Variants in HMCN2 observed in about 807,000 individuals in gnomAD.
HMCN2 encodes the protein hemicentin 2.
A neutral mutation model predicts 377.5 loss-of-function variants in HMCN2; 325 were observed. The observed-to-expected ratio is 0.86, with a 90% CI of 0.79 to 0.94. The LOEUF (loss-of-function observed/expected upper bound fraction) is 0.94, where lower values mean the gene tolerates loss of function less well. HMCN2 is among the 40% of genes least tolerant of loss of function. The probability of loss-of-function intolerance (pLI) is 0.00; values close to 1 mark genes in which losing one functional copy is unlikely to be tolerated. For synonymous variants in HMCN2, 2,007 were observed against 2,046.8 expected (o/e 0.98, Z 0.53); for missense variants, 4,543 against 4,725.3 (o/e 0.96, Z 1.13).
chr9:130,267,107 G>A (rs1834147949), intron 1 of HMCN2, among the ~76,000 whole-genome samples: 1 of 151,858 alleles, frequency 6.6e-6, no homozygotes, highest in South Asian at 2.1e-4. Flanking sequence ...CACCATGCCT[G>A]GCTGATTTTT....
chr9:130,344,019 G>A (rs1053931700), intron 25 of HMCN2, among the ~76,000 whole-genome samples: 2 of 152,064 alleles, frequency 1.3e-5, no homozygotes, highest in African/African-American at 2.4e-5. Flanking sequence ...AGGGGGCGGC[G>A]TGAGGGACCC....
At chr9:130,286,514 C>T (rs1183667301) in intron 4 of HMCN2, among the ~76,000 whole-genome samples, 3 of 152,240 alleles carry the variant, frequency 2.0e-5, no homozygotes, top group Non-Finnish European at 2.9e-5. Context: ...CATCTTATCT[C>T]GCCAAACCCT....
At position 130,433,592 on chromosome 9, in the gene HMCN2, C is replaced by T. The variant is rs1201372574; in HGVS notation, c.15139C>T (p.Leu5047Phe). ...GLGAVYTRRA[L>F]TRAGLYRLTV... is the part of the protein sequence containing the mutation. ...TGGCGCGGTCTACACCCGTCGCGCG[C>T]TCACCCGCGCCGGCCTCTACCGGCT... Residue 5047 changes from leucine to phenylalanine, a missense_variant, in exon 98 of 98, where the codon CTC becomes TTC. Around this residue, in one of 5 missense-constraint regions of HMCN2, gnomAD observed 1,155 missense variants for 1,157.7 expected, o/e 1.00. Transcript: ENST00000683500. The T allele has an allele frequency of 2.0e-6, 3 of 1,510,156 alleles. No homozygotes were observed. In the African/African-American group the frequency reaches 4.4e-5, roughly 22 times the overall value. The allele number at this position is 1,510,156 out of a possible 1,614,324, so 93.5% of individuals were successfully genotyped here. A position where few individuals can be genotyped will look rare whatever the true frequency, so the allele number is the denominator to read the frequency against.
At chr9:130,346,156 G>A (rs1300292421) in intron 25 of HMCN2, among the ~76,000 whole-genome samples, 1 of 152,070 alleles carries the variant, frequency 6.6e-6, no homozygotes, top group Admixed American at 6.5e-5. Flanking sequence ...CTGAGTCAGC[G>A]CTGGCGGAGG....
At chr9:130,390,421 G>C (rs1405734535) in intron 62 of HMCN2, among the ~76,000 whole-genome samples, 1 of 152,240 alleles carries the variant, frequency 6.6e-6, no homozygotes, top group Non-Finnish European at 1.5e-5. Context: ...ACATGGGGCA[G>C]TTGCTCGTGT....
chr9:130,400,726 T>C, intron 76 of HMCN2, 57 bp from the exon 77 acceptor site: 1 of 1,216,238 alleles, frequency 8.2e-7, no homozygotes, highest in Non-Finnish European at 1.1e-6. Flanking sequence ...CCTGGCCCTG[T>C]GGCCGTGAGT....
chr9:130,430,018 C>T, intron 94 of HMCN2: 7 of 599,056 alleles, frequency 1.2e-5, no homozygotes, highest in Non-Finnish European at 2.0e-5. Context: ...ATGGATCTAA[C>T]TGGGGCACTG....
rs543899828 is a variant in HMCN2, at chr9:130,284,329, G to C, written c.260-274G>C. On this transcript the variant is annotated intron_variant, in intron 1 of 97. Coordinates refer to ENST00000683500, the MANE Select transcript of HMCN2 (RefSeq NM_001291815.2). ...TGGTCACCAAAGGTTGGGAGCTGCT[G>C]TCCGGAGGGAGGAGCTGGGGCTTGC... 5.2e-3 allele frequency among the ~76,000 whole-genome samples: 791 copies of C among 152,272 alleles called. 3 individuals are homozygous for C. The highest frequency in any genetic ancestry group is 7.7e-3 in the Non-Finnish European group (526 of 68,010).
chr9:130,401,216 C>T (rs181686234), intron 77 of HMCN2, among the ~76,000 whole-genome samples: 2 of 152,312 alleles, frequency 1.3e-5, no homozygotes, highest in East Asian at 1.9e-4. Flanking sequence ...TAATAGCTCC[C>T]TGGGAGTTTT....
In HMCN2 at chr9:130,350,378, C is replaced by CAAAAAAAAAA. The variant is rs1448443171; in HGVS notation, c.4430+722_4430+723insAAAAAAAAAA. On this transcript the variant is annotated intron_variant, in intron 29 of 97. Transcript: ENST00000683500. ...CGAGACCCTGTCTCTGCTAAAAATA[C>CAAAAAAAAAA]AAAAAAATACAAAAAAAAAAAAAAA... 1.1e-3 allele frequency among the ~76,000 whole-genome samples: 85 copies of CAAAAAAAAAA among 74,702 alleles called. 6 individuals carry two copies. The highest frequency in any genetic ancestry group is 2.4e-3 in the African/African-American group (48 of 20,032). The allele number at this position is 74,702 out of a possible 152,430, so 49.0% of individuals were successfully genotyped here. A position where few individuals can be genotyped will look rare whatever the true frequency, so the allele number is the denominator to read the frequency against.
rs1840419821 is a variant in HMCN2 at position 130,362,143 on chromosome 9, C to A, written c.6086C>A (p.Pro2029His). Residue 2029 changes from proline (P) to histidine (H), a missense_variant, in exon 39 of 98, where the codon CCT becomes CAT. Transcript: ENST00000683500. Reference sequence around the variant, plus strand: ...CTGAAGGATGGAAACCCTGTGTCCCCTGCAGGGACCCCTGGCCTGCAGGTC... The same window carrying A: ...CTGAAGGATGGAAACCCTGTGTCCCATGCAGGGACCCCTGGCCTGCAGGTC... Reference protein sequence around the residue: ...MWLKDGNPVSPAGTPGLQVFP... With the variant: ...MWLKDGNPVSHAGTPGLQVFP... The A allele has an allele frequency of 1.0e-6, 1 of 985,578 alleles. No individual in the cohort carries two copies. The highest frequency in any genetic ancestry group is 4.7e-5 in the South Asian group (1 of 21,140). The allele number at this position is 985,578 out of a possible 1,614,324, so 61.1% of individuals were successfully genotyped here.
intron 15 of HMCN2, among the ~76,000 whole-genome samples, chr9:130,317,114 C>T (rs1443684084): frequency 6.6e-6 from 1 of 150,858 alleles, no homozygotes; most frequent in Non-Finnish European, 1.5e-5. Flanking sequence ...CTGGCTGGGG[C>T]AGCCACCAGG....
intron 79 of HMCN2, among the ~76,000 whole-genome samples, 178 bp from the exon 80 acceptor site, chr9:130,403,563 C>T (rs1411884671): frequency 2.0e-5 from 3 of 152,102 alleles, no homozygotes; most frequent in Non-Finnish European, 4.4e-5. Context: ...GGTGGGAGGT[C>T]GGGAGGGGGC....
chr9:130,335,049 T>G (rs1838670664), intron 22 of HMCN2, among the ~76,000 whole-genome samples: 1 of 152,146 alleles, frequency 6.6e-6, no homozygotes, highest in African/African-American at 2.4e-5. Context: ...TTACCCAGAC[T>G]GTGTGCTGCC....
rs1325351999 is a variant in HMCN2 at position 130,286,228 on chromosome 9, A to G, written c.530A>G (p.His177Arg). The stretch of plus-strand genomic sequence containing the variant: ...ACGGGGGACTGTGGCGACCGCACCC[A>G]TCCTGGCTACCTGGCTTATGAGGAG... ...VLTGDCGDRT[H>R]PGYLAYEEIA... The change falls in exon 4 of 98, where the codon CAT becomes CGT. Residue 177 changes from histidine (H) to arginine (R), a missense_variant. His to Arg is a conservative substitution (Grantham distance 29). Around this residue, in one of 5 missense-constraint regions of HMCN2, gnomAD observed 547 missense variants for 189.9 expected, o/e 2.88. Transcript: ENST00000683500. The G allele has an allele frequency of 1.3e-5, 6 of 471,044 alleles. No individual in the cohort carries two copies. Among genetic ancestry groups the G allele is most frequent in the Middle Eastern group, 3.3e-4 (1 of 3,060 alleles). The allele number at this position is 471,044 out of a possible 1,614,324, so 29.2% of individuals were successfully genotyped here.
At chr9:130,431,233 A>C (rs1485405562) in intron 95 of HMCN2, 134 bp from the exon 96 acceptor site, 2 of 889,266 alleles carry the variant, frequency 2.2e-6, no homozygotes, top group Non-Finnish European at 1.7e-6. Flanking sequence ...CTGGGCTGGG[A>C]GGGGCAGGAC....
At position 130,433,794 on chromosome 9, in the gene HMCN2, G is replaced by A; in HGVS notation, c.*101G>A. 1 of 987,010 alleles carries A rather than the reference G, an allele frequency of 1.0e-6. No individual in the cohort carries two copies. The highest frequency in any genetic ancestry group is 1.4e-6 in the Non-Finnish European group (1 of 711,340). The allele number at this position is 987,010 out of a possible 1,614,324, so 61.1% of individuals were successfully genotyped here. A position where few individuals can be genotyped will look rare whatever the true frequency, so the allele number is the denominator to read the frequency against. ...CTGCTGTGGCAAGCGGAGCGTCATC[G>A]TCTCCCGCCCCGTGCGTCAGCGAGA... On this transcript the variant is annotated 3_prime_UTR_variant, in exon 98 of 98. Coordinates refer to ENST00000683500, the MANE Select transcript of HMCN2 (RefSeq NM_001291815.2).
At chr9:130,384,324 G>A (rs1841897611) in intron 57 of HMCN2, 49 bp from the exon 58 acceptor site, 15 of 1,256,242 alleles carry the variant, frequency 1.2e-5, no homozygotes, top group Non-Finnish European at 1.6e-5. Flanking sequence ...GTGCTCCCCT[G>A]CTGGTGTGAT....
chr9:130,420,065 CTTTTT>C (rs10586199), intron 86 of HMCN2, among the ~76,000 whole-genome samples: 15 of 77,034 alleles, frequency 1.9e-4, no homozygotes, highest in South Asian at 1.2e-3. Context: ...CGTCCCACTT[CTTTTT>C]TTTTTTTTTT....
Sources: allele counts gnomAD v4.1 joint callset (sites outside exome capture counted in the v4.1 genomes callset), GRCh38; gene constraint gnomAD v4.1.1; regional missense constraint gnomAD v4.1.1; transcripts MANE v1.5; gene names NCBI Gene and HGNC (gene_info 2026-07-23, HGNC 2026-07-21).